GLIS3: variants seen among roughly 807,000 people sequenced by gnomAD.
GLIS3 encodes zinc finger protein GLIS3.
A neutral mutation model predicts 78.6 loss-of-function variants in GLIS3; 53 were observed. The ratio of observed to expected loss-of-function variants is 0.67; its 90% CI spans 0.54 to 0.85. The LOEUF is 0.85. Ranked by LOEUF, GLIS3 falls within the 40% of genes least tolerant of loss-of-function variation. The probability of loss-of-function intolerance (pLI) is 0.00; values close to 1 mark genes in which losing one functional copy is unlikely to be tolerated. For missense variants in GLIS3, 1,703 were observed against 1,231.1 expected (o/e 1.38, Z -5.74); for synonymous variants, 684 against 509.9 (o/e 1.34, Z -4.60).
chr9:4,275,066 T>C (rs1180478682), intron 2 of GLIS3, among the ~76,000 whole-genome samples: 1 of 152,196 alleles, frequency 6.6e-6, no homozygotes, highest in Non-Finnish European at 1.5e-5. Flanking sequence ...AAGTCAGAAG[T>C]AGCAAATCTA....
chr9:4,295,209 G>A (rs1816374033), intron 1 of GLIS3, among the ~76,000 whole-genome samples: 1 of 152,034 alleles, frequency 6.6e-6, no homozygotes, highest in Admixed American at 6.5e-5. Context: ...GGGGTTGCTG[G>A]CCCTCACGAA....
chr9:4,425,719 T>A, the GLIS3 span, among the ~76,000 whole-genome samples: 41 of 152,340 alleles, frequency 2.7e-4, 1 homozygote, highest in East Asian at 4.8e-3. Flanking sequence ...TCACATGAGA[T>A]GTGCCTTTAC....
At chr9:4,001,861 C>A (rs945019955) in intron 4 of GLIS3, among the ~76,000 whole-genome samples, 14 of 152,204 alleles carry the variant, frequency 9.2e-5, no homozygotes, top group African/African-American at 3.4e-4. Context: ...TGGTCTCTAT[C>A]CTTTGGTGGG....
chr9:4,052,323 T>C (rs923248010), intron 4 of GLIS3, among the ~76,000 whole-genome samples: 2 of 152,236 alleles, frequency 1.3e-5, no homozygotes, highest in Non-Finnish European at 2.9e-5. Flanking sequence ...TTAATTTTTT[T>C]TTGTGGTAAA....
At chr9:4,050,418 C>T (rs187883207) in intron 4 of GLIS3, among the ~76,000 whole-genome samples, 15 of 151,816 alleles carry the variant, frequency 9.9e-5, no homozygotes, top group South Asian at 4.2e-4. Context: ...GTACACAGGG[C>T]GGGGAACATC....
At chr9:4,346,527 C>G (rs553200614) in intron 2 of GLIS3, among the ~76,000 whole-genome samples, 1 of 152,174 alleles carries the variant, frequency 6.6e-6, no homozygotes, top group East Asian at 1.9e-4. Context: ...GTGGCCATTA[C>G]TTTACATCCA....
chr9:4,319,656 G>A (rs1543638), intron 2 of GLIS3, among the ~76,000 whole-genome samples: 29,915 of 151,746 alleles, frequency 0.2, 3,084 homozygotes, highest in East Asian at 0.31. Context: ...CACCCTCCCA[G>A]GTAGCTAGGA....
intron 4 of GLIS3, among the ~76,000 whole-genome samples, chr9:3,973,499 T>C (rs1246056313): frequency 1.3e-5 from 2 of 152,122 alleles, no homozygotes; most frequent in African/African-American, 4.8e-5. Context: ...CGATCAGATA[T>C]TAATATGAAT....
At chr9:3,854,367 A>C (rs757222223) in intron 9 of GLIS3, among the ~76,000 whole-genome samples, 1 of 152,208 alleles carries the variant, frequency 6.6e-6, no homozygotes, top group Non-Finnish European at 1.5e-5. Flanking sequence ...AGAATGGTAC[A>C]AGTACAAATT....
intron 4 of GLIS3, among the ~76,000 whole-genome samples, chr9:4,022,475 T>C (rs967794972): frequency 2.0e-4 from 30 of 152,234 alleles, no homozygotes; most frequent in African/African-American, 7.2e-4. Context: ...CAAATATGTA[T>C]GCACTGCTTG....
intron 2 of GLIS3, among the ~76,000 whole-genome samples, chr9:4,321,152 G>T (rs916336395): frequency 2.0e-5 from 3 of 151,386 alleles, no homozygotes; most frequent in Non-Finnish European, 2.9e-5. Flanking sequence ...CGGGCGCGGT[G>T]GCTCACGCCT....
chr9:4,215,156 C>T (rs1173653460), intron 2 of GLIS3, among the ~76,000 whole-genome samples: 1 of 152,180 alleles, frequency 6.6e-6, no homozygotes, highest in East Asian at 1.9e-4. Context: ...AGACCACTTC[C>T]AACCTCCTCC....
the GLIS3 span, among the ~76,000 whole-genome samples, chr9:4,365,210 A>G: frequency 6.6e-6 from 1 of 152,272 alleles, no homozygotes; most frequent in South Asian, 2.1e-4. Context: ...GATGGCTTAT[A>G]CCATGCAAAA....
chr9:3,897,035 A>C (rs1025027755), intron 7 of GLIS3, among the ~76,000 whole-genome samples: 2 of 152,232 alleles, frequency 1.3e-5, no homozygotes, highest in Non-Finnish European at 2.9e-5. Context: ...ACACTACCAG[A>C]CATATAAAAA....
Position 4,270,888 on chromosome 9 carries a change from GGTGT to G in GLIS3, c.388+15146_388+15149del, listed in dbSNP as rs148679668. Among the ~76,000 whole-genome samples, 122 of 147,020 alleles carry G rather than the reference GGTGT, an allele frequency of 8.3e-4. 1 individual carries two copies. The highest frequency in any genetic ancestry group is 2.7e-3 in the African/African-American group (107 of 40,036). ...AATCAATCTCTCTCTCAATCTGTGT[GGTGT>G]GTGTGTGTGTGTGTGTGTGTGTGTG... On this transcript the variant is annotated intron_variant, in intron 2 of 10. Transcript: ENST00000381971.
intron 8 of GLIS3, among the ~76,000 whole-genome samples, chr9:3,877,406 G>A (rs1033344963): frequency 6.6e-6 from 1 of 152,168 alleles, no homozygotes; most frequent in African/African-American, 2.4e-5. Flanking sequence ...ACTTTACCTT[G>A]TGCATAGAAC....
intron 2 of GLIS3, among the ~76,000 whole-genome samples, chr9:4,152,795 A>G (rs77619121): frequency 0.036 from 5,469 of 152,320 alleles, 312 homozygotes; most frequent in African/African-American, 0.12. Context: ...TATAATGAAA[A>G]AAAGAATTAA....
At chr9:4,341,448 G>A (rs1040222757) in intron 2 of GLIS3, among the ~76,000 whole-genome samples, 1 of 152,188 alleles carries the variant, frequency 6.6e-6, no homozygotes, top group Non-Finnish European at 1.5e-5. Context: ...GTGAAGACTT[G>A]TCTCATTTCA....
intron 4 of GLIS3, among the ~76,000 whole-genome samples, chr9:3,965,193 C>CTTTTTT (rs34951383): frequency 2.8e-3 from 280 of 100,120 alleles, no homozygotes; most frequent in Non-Finnish European, 3.3e-3. Context: ...CTTTTCTTTT[C>CTTTTTT]TTTTTTTTTT....
Sources: allele counts gnomAD v4.1 joint callset (sites outside exome capture counted in the v4.1 genomes callset), GRCh38; gene constraint gnomAD v4.1.1; transcripts MANE v1.5; gene names NCBI Gene and HGNC (gene_info 2026-07-23, HGNC 2026-07-21).